Variants in ABCA13 observed in about 807,000 individuals in gnomAD.
The protein encoded by ABCA13 is ATP binding cassette subfamily A member 13.
ABCA13 carries 476 observed loss-of-function variants against 478.7 expected under a neutral mutation model. That is an observed-to-expected ratio of 0.99 (90% CI 0.92 to 1.07). The LOEUF is 1.07. Among genes scored for constraint, ABCA13 ranks in the 50% least tolerant of loss-of-function variants. The pLI is 0.00. For synonymous variants in ABCA13, 2,252 were observed against 2,158.9 expected, an observed-to-expected ratio of 1.04 and a Z score of -1.20; for missense variants, 6,060 against 5,910.6, an observed-to-expected ratio of 1.03 and a Z score of -0.83.
chr7:48,229,951 C>T lies in ABCA13; in HGVS notation c.759C>T (p.Val253=), dbSNP rs746062169. 11 of 1,613,194 alleles carry T rather than the reference C, an allele frequency of 6.8e-6. No homozygotes were observed. The East Asian group carries it at 2.0e-4, about 29-fold the overall frequency. Residue 253 remains valine, a synonymous_variant, in exon 7 of 62, where the codon GTC becomes GTT. Coordinates refer to ENST00000435803, the MANE Select transcript of ABCA13 (RefSeq NM_152701.5). ...LTFLQQHGVA[V]TEPVYHLSMQ... ...TTCTGCAGCAACATGGAGTAGCAGT[C>T]ACCGGTATGGGTGCCTTGTAGCTAT...
intron 59 of ABCA13, among the ~76,000 whole-genome samples, chr7:48,631,909 T>A (rs1323772465): frequency 2.0e-5 from 3 of 152,120 alleles, no homozygotes; most frequent in Non-Finnish European, 4.4e-5. Flanking sequence ...TATTCCTAGG[T>A]ATTTTGTGTT....
At chr7:48,393,402 A>G (rs1816362685) in intron 38 of ABCA13, among the ~76,000 whole-genome samples, 1 of 152,210 alleles carries the variant, frequency 6.6e-6, no homozygotes, top group South Asian at 2.1e-4. Context: ...AACGTCAACC[A>G]TGGCGTGAGT....
chr7:48,593,262 ATG>A (rs376478661), intron 57 of ABCA13, among the ~76,000 whole-genome samples: 9 of 125,424 alleles, frequency 7.2e-5, no homozygotes, highest in East Asian at 4.6e-4. Context: ...GTGTGTGTGT[ATG>A]TGTGTGTGTG....
Position 48,279,158 on chromosome 7 carries a change from T to C in ABCA13, c.7964T>C (p.Leu2655Pro), listed in dbSNP as rs1204925416. The change falls in exon 18 of 62, where the codon CTT (leucine) becomes CCT (proline). Residue 2655 changes from leucine (L) to proline (P), a missense_variant. Physicochemically the swap from Leu to Pro is moderately conservative, Grantham distance 98. Around this residue, in one of 3 missense-constraint regions of ABCA13, gnomAD observed 4,423 missense variants for 4,309.1 expected, o/e 1.03. Coordinates refer to ENST00000435803, the MANE Select transcript of ABCA13 (RefSeq NM_152701.5). The part of the protein sequence containing the change: ...VKMNLEDMRS[L>P]AVAFNNETQT... ...ATGAACTTGGAAGATATGAGGAGTC[T>C]TGCGGTAGCATTTAACAATGAGACT... 1 of 1,604,034 alleles carries C rather than the reference T, an allele frequency of 6.2e-7. No homozygotes were observed. Among genetic ancestry groups the C allele is most frequent in the Non-Finnish European group, 8.5e-7 (1 of 1,175,544 alleles).
Position 48,587,157 on chromosome 7 carries a change from G to T in ABCA13, c.14509G>T (p.Ala4837Ser). 6.2e-7 allele frequency: 1 copy of T among 1,613,156 alleles called. No individual in the cohort carries two copies. The highest frequency in any genetic ancestry group is 8.5e-7 in the Non-Finnish European group (1 of 1,179,572). The change falls in exon 57 of 62, where the codon GCT becomes TCT. Residue 4837 changes from alanine to serine, a missense_variant. This residue lies in a region of ABCA13 where 1,627 missense variants were observed against 1,571.0 expected (regional missense o/e 1.04). Coordinates refer to ENST00000435803, the MANE Select transcript of ABCA13 (RefSeq NM_152701.5). ...GIPRQCIPEV[A>S]GDLIRRLHLE... is the part of the protein sequence containing the mutation. ...CATGGACATGCCTCTCTTCCAGGTT[G>T]CTGGAGACCTCATCAGGCGCTTACA...
Position 48,392,071 on chromosome 7 carries a change from T to C in ABCA13, c.11805T>C (p.His3935=). The change falls in exon 38 of 62, where the codon CAT becomes CAC. Residue 3935 remains histidine, a synonymous_variant. Coordinates refer to ENST00000435803, the MANE Select transcript of ABCA13 (RefSeq NM_152701.5). Reference sequence around the variant, plus strand: ...TGGACAACCTCACCGTCCGGGAACATTTGCTGCTCTTTGCTTCCATAAAGG... The same window carrying C: ...TGGACAACCTCACCGTCCGGGAACACTTGCTGCTCTTTGCTTCCATAAAGG... ...ILLDNLTVRE[H]LLLFASIKAP... 1.2e-6 allele frequency: 2 copies of C among 1,613,954 alleles called. No individual in the cohort carries two copies.
chr7:48,216,013 G>C (rs1366806012), intron 3 of ABCA13, among the ~76,000 whole-genome samples: 1 of 152,084 alleles, frequency 6.6e-6, no homozygotes, highest in Admixed American at 6.6e-5. Context: ...CTTTTCCTCT[G>C]TCGAAGTACA....
rs1249746912 is a variant in ABCA13, at chr7:48,528,345, G to C, written c.14354G>C (p.Gly4785Ala). 1 of 1,540,962 alleles carries C rather than the reference G, an allele frequency of 6.5e-7. No homozygotes were observed. The highest frequency in any genetic ancestry group is 2.4e-5 in the East Asian group (1 of 41,642). ...CATGCTATCATCAGGACTCCCATGG[G>C]GTAAGATACAGATTTCATCATTTTT... ...SGHAIIRTPM[G>A]DAVDLSSAGT... Residue 4785 changes from glycine (G) to alanine (A), a missense_variant and splice_region_variant, in exon 55 of 62, where the codon GGA becomes GCA. Physicochemically the swap from Gly to Ala is moderately conservative, Grantham distance 60. Transcript: ENST00000435803.
rs921590886 is a variant in ABCA13 at position 48,427,617 on chromosome 7, A to G, written c.12460-149A>G. ...CTGAGACCTAGGTAGTCTTAGAGTT[A>G]TGCCAATTAAATGGATGGCTAAATG... On this transcript the variant is annotated intron_variant, in intron 41 of 61. Transcript: ENST00000435803. The G allele has an allele frequency of 5.0e-5, 30 of 605,528 alleles. No homozygotes were observed. In the African/African-American group the frequency reaches 5.2e-4, roughly 10 times the overall value. 37.5% of individuals were successfully genotyped at this position (605,528 alleles called of 1,614,324 possible).
At chr7:48,362,811 A>G (rs958289650) in intron 31 of ABCA13, among the ~76,000 whole-genome samples, 1 of 152,006 alleles carries the variant, frequency 6.6e-6, no homozygotes, top group Admixed American at 6.6e-5. Context: ...TTTAGCTGGT[A>G]TTGTTAATCT....
At chr7:48,218,093 C>T (rs1322054740) in intron 3 of ABCA13, among the ~76,000 whole-genome samples, 4 of 152,156 alleles carry the variant, frequency 2.6e-5, no homozygotes, top group Admixed American at 2.0e-4. Flanking sequence ...ATGATAGTTC[C>T]TAATTTGGTC....
At chr7:48,582,270 C>T (rs6583453) in intron 56 of ABCA13, among the ~76,000 whole-genome samples, 14,292 of 152,172 alleles carry the variant, frequency 0.094, 1,138 homozygotes, top group African/African-American at 0.22. Context: ...TTTATTCAGG[C>T]TGTTAGTTGT....
At chr7:48,376,303 G>T in intron 34 of ABCA13, 138 bp from the exon 35 acceptor site, 1 of 955,730 alleles carries the variant, frequency 1.0e-6, no homozygotes, top group Non-Finnish European at 1.5e-6. Flanking sequence ...AAAAGTTATG[G>T]CCAGTGATAT....
chr7:48,290,939 GGAAAAAA>G (rs1200400483), intron 20 of ABCA13, among the ~76,000 whole-genome samples: 8 of 79,612 alleles, frequency 1.0e-4, no homozygotes, highest in African/African-American at 2.1e-4. Context: ...TCACACTCAG[GGAAAAAA>G]AAAAAAAAAA....
chr7:48,287,239 C>T (rs866090281), intron 19 of ABCA13, among the ~76,000 whole-genome samples: 15 of 152,302 alleles, frequency 9.8e-5, no homozygotes, highest in African/African-American at 3.6e-4. Flanking sequence ...GCACCTGAGG[C>T]TGCGGAAAGA....
At chr7:48,374,221 C>T (rs80272845) in intron 33 of ABCA13, 126 bp from the exon 34 acceptor site, 9,010 of 761,770 alleles carry the variant, frequency 0.012, 83 homozygotes, top group Non-Finnish European at 0.014. Flanking sequence ...CTGCCTGAAG[C>T]GATGGTTGGG....
intron 54 of ABCA13, among the ~76,000 whole-genome samples, chr7:48,527,595 G>A (rs1226656363): frequency 3.9e-5 from 6 of 152,146 alleles, no homozygotes; most frequent in African/African-American, 1.2e-4. Flanking sequence ...GCTGTAAGGC[G>A]AGATTTGATC....
intron 42 of ABCA13, among the ~76,000 whole-genome samples, chr7:48,444,614 G>A (rs1824040643): frequency 6.6e-6 from 1 of 152,066 alleles, no homozygotes; most frequent in Admixed American, 6.5e-5. Flanking sequence ...CAGTCCCTGA[G>A]CTCTCTTCTC....
At chr7:48,583,321 A>G (rs1788876828) in intron 56 of ABCA13, among the ~76,000 whole-genome samples, 1 of 152,076 alleles carries the variant, frequency 6.6e-6, no homozygotes, top group Admixed American at 6.5e-5. Context: ...CTTCAGAGGA[A>G]GGGCCAGGAT....
Sources: allele counts gnomAD v4.1 joint callset (sites outside exome capture counted in the v4.1 genomes callset), GRCh38; gene constraint gnomAD v4.1.1; regional missense constraint gnomAD v4.1.1; transcripts MANE v1.5; gene names NCBI Gene and HGNC (gene_info 2026-07-23, HGNC 2026-07-21).